CASQ2: variants seen among roughly 807,000 people sequenced by gnomAD.
CASQ2 encodes calsequestrin 2.
Under a neutral mutation model 46.5 loss-of-function variants are expected in CASQ2, and 49 were observed. The ratio of observed to expected loss-of-function variants is 1.05; its 90% CI spans 0.84 to 1.34. CASQ2 has a LOEUF of 1.34. Ranked by LOEUF, CASQ2 falls within the 40% of genes most tolerant of loss-of-function variation. CASQ2 has a pLI of 0.00. For missense variants in CASQ2, 486 were observed against 481.3 expected (o/e 1.01, Z -0.09); for synonymous variants, 174 against 168.5 (o/e 1.03, Z -0.25).
At chr1:115,711,592 G>GGTTTTTT (rs144324637) in intron 8 of CASQ2, among the ~76,000 whole-genome samples, 1 of 144,454 alleles carries the variant, frequency 6.9e-6, no homozygotes, top group Non-Finnish European at 1.5e-5. Flanking sequence ...CTCATTTTAA[G>GGTTTTTT]ATTTTTTTTT....
chr1:115,746,254 A>T (rs1458680680), intron 1 of CASQ2, among the ~76,000 whole-genome samples: 2 of 152,058 alleles, frequency 1.3e-5, no homozygotes, highest in African/African-American at 4.8e-5. Context: ...GGTTGTTCCC[A>T]GTGATTGGCT....
chr1:115,739,528 A>T (rs1202226519), intron 3 of CASQ2, among the ~76,000 whole-genome samples: 1 of 152,220 alleles, frequency 6.6e-6, no homozygotes, highest in Admixed American at 6.5e-5. Context: ...CCCAATAAGG[A>T]CAGATTTGCT....
chr1:115,711,422 G>A (rs2101062297), intron 8 of CASQ2, among the ~76,000 whole-genome samples: 1 of 152,224 alleles, frequency 6.6e-6, no homozygotes, highest in South Asian at 2.1e-4. Context: ...TCTGAAAGTG[G>A]AGAGAACAGC....
intron 1 of CASQ2, among the ~76,000 whole-genome samples, chr1:115,761,654 G>A (rs1478378961): frequency 1.3e-5 from 2 of 151,320 alleles, no homozygotes; most frequent in African/African-American, 4.9e-5. Context: ...TTAGGAGACC[G>A]AGGCCCGAAG....
intron 3 of CASQ2, 100 bp downstream of exon 3, chr1:115,740,628 G>T: frequency 1.3e-6 from 1 of 782,318 alleles, no homozygotes; most frequent in Non-Finnish European, 2.2e-6. Flanking sequence ...TGTCACAGAT[G>T]AGGCCAGGTT....
intron 7 of CASQ2, among the ~76,000 whole-genome samples, chr1:115,718,489 G>A (rs981539899): frequency 1.3e-5 from 2 of 152,198 alleles, no homozygotes; most frequent in Admixed American, 6.5e-5. Flanking sequence ...ACAGACAAGG[G>A]TTGTGCTTCC....
chr1:115,754,490 C>T (rs930838356), intron 1 of CASQ2, among the ~76,000 whole-genome samples: 1 of 152,158 alleles, frequency 6.6e-6, no homozygotes, highest in African/African-American at 2.4e-5. Context: ...GCTATTGCTC[C>T]AACTGCCTTA....
intron 1 of CASQ2, among the ~76,000 whole-genome samples, chr1:115,762,640 C>G (rs1318533492): frequency 2.6e-5 from 4 of 152,206 alleles, no homozygotes; most frequent in Non-Finnish European, 5.9e-5. Flanking sequence ...ATGTCTCCTT[C>G]CTCTTTTCCT....
chr1:115,701,110 GGGAAAAGAGATGAT>G lies in CASQ2; in HGVS notation c.*117_*130del. On this transcript the variant is annotated 3_prime_UTR_variant, in exon 11 of 11. Coordinates refer to ENST00000261448, the MANE Select transcript of CASQ2 (RefSeq NM_001232.4). The stretch of plus-strand genomic sequence containing the variant: ...ATGCTGCTCCTGACGCAAAGGGAGT[GGGAAAAGAGATGAT>G]GGAAAAGGGAAAGGAGCTGGCTGGG... 7.2e-7 allele frequency: 1 copy of G among 1,389,880 alleles called. No individual in the cohort carries two copies. Among genetic ancestry groups the G allele is most frequent in the Non-Finnish European group, 1.0e-6 (1 of 979,222 alleles). The allele number at this position is 1,389,880 out of a possible 1,614,324, so 86.1% of individuals were successfully genotyped here.
chr1:115,729,971 C>G (rs1047951039), intron 5 of CASQ2, among the ~76,000 whole-genome samples: 1 of 152,178 alleles, frequency 6.6e-6, no homozygotes, highest in African/African-American at 2.4e-5. Flanking sequence ...TGATATTTTT[C>G]AGGCTGTGAG....
intron 1 of CASQ2, among the ~76,000 whole-genome samples, chr1:115,745,315 G>T (rs1570840879): frequency 6.6e-6 from 1 of 152,146 alleles, no homozygotes; most frequent in Non-Finnish European, 1.5e-5. Flanking sequence ...AACACAAGAG[G>T]ACCTAAGAAT....
chr1:115,758,061 A>C (rs1193967192), intron 1 of CASQ2, among the ~76,000 whole-genome samples: 4 of 152,336 alleles, frequency 2.6e-5, no homozygotes, highest in African/African-American at 9.6e-5. Context: ...CCAGAGTACA[A>C]ACTAAAGACA....
chr1:115,746,710 T>A (rs982414761), intron 1 of CASQ2, among the ~76,000 whole-genome samples: 3 of 152,238 alleles, frequency 2.0e-5, no homozygotes, highest in Non-Finnish European at 4.4e-5. Context: ...GAGAGTTTTT[T>A]TAAATACCAG....
At chr1:115,758,222 T>A (rs1175165425) in intron 1 of CASQ2, among the ~76,000 whole-genome samples, 1 of 152,254 alleles carries the variant, frequency 6.6e-6, no homozygotes, top group Non-Finnish European at 1.5e-5. Flanking sequence ...CTTTGTGAGT[T>A]TAGGCAATTT....
intron 6 of CASQ2, 52 bp from the exon 7 acceptor site, chr1:115,725,605 C>T: frequency 1.3e-6 from 2 of 1,563,564 alleles, no homozygotes; most frequent in Non-Finnish European, 1.7e-6. Flanking sequence ...GAGTAGGGAT[C>T]ACTGTGGCAG....
chr1:115,706,916 C>G (rs1270639065), intron 8 of CASQ2, among the ~76,000 whole-genome samples: 4 of 152,204 alleles, frequency 2.6e-5, no homozygotes, highest in South Asian at 2.1e-4. Flanking sequence ...CTTAGCAACT[C>G]TACTTTGAGT....
chr1:115,761,388 C>G (rs1237983701), intron 1 of CASQ2, among the ~76,000 whole-genome samples: 1 of 52,476 alleles, frequency 1.9e-5, no homozygotes, highest in Non-Finnish European at 3.7e-5. Flanking sequence ...CAGAATAAGA[C>G]TCAGTCAAAA....
At chr1:115,757,472 G>GA (rs1056152937) in intron 1 of CASQ2, among the ~76,000 whole-genome samples, 1 of 151,972 alleles carries the variant, frequency 6.6e-6, no homozygotes, top group African/African-American at 2.4e-5. Context: ...TGAACAGTTG[G>GA]AAAAAAAATA....
intron 7 of CASQ2, among the ~76,000 whole-genome samples, chr1:115,724,417 CT>C (rs1647498341): frequency 6.6e-6 from 1 of 152,192 alleles, no homozygotes. Flanking sequence ...ATCCTCCCAC[CT>C]CAACTTCCCA....
Sources: allele counts gnomAD v4.1 joint callset (sites outside exome capture counted in the v4.1 genomes callset), GRCh38; gene constraint gnomAD v4.1.1; transcripts MANE v1.5; gene names NCBI Gene and HGNC (gene_info 2026-07-23, HGNC 2026-07-21).